RIMS2: variants seen among roughly 807,000 people sequenced by gnomAD.
RIMS2 encodes the protein regulating synaptic membrane exocytosis protein 2.
Under a neutral mutation model 174.4 loss-of-function variants are expected in RIMS2, and 59 were observed. The observed-to-expected ratio is 0.34, with a 90% confidence interval of 0.27 to 0.42. The LOEUF (loss-of-function observed/expected upper bound fraction) is 0.42. Among genes scored for constraint, RIMS2 ranks in the 10% least tolerant of loss-of-function variants. The pLI is 1.00. For missense variants in RIMS2, 1,620 were observed against 1,666.3 expected (o/e 0.97, Z 0.48); for synonymous variants, 606 against 572.5 (o/e 1.06, Z -0.84).
At chr8:104,157,718 T>C (rs2098733181) in intron 19 of RIMS2, among the ~76,000 whole-genome samples, 1 of 152,198 alleles carries the variant, frequency 6.6e-6, no homozygotes, top group Non-Finnish European at 1.5e-5. Context: ...TATCCATTCA[T>C]CTGTCAGTAG....
intron 19 of RIMS2, among the ~76,000 whole-genome samples, chr8:104,039,679 A>G (rs1183949400): frequency 6.6e-6 from 1 of 151,740 alleles, no homozygotes; most frequent in African/African-American, 2.4e-5. Flanking sequence ...ATCTAGGGAA[A>G]TTTTGTGTAT....
At chr8:103,724,828 T>C (rs545184061) in intron 2 of RIMS2, among the ~76,000 whole-genome samples, 3 of 152,194 alleles carry the variant, frequency 2.0e-5, no homozygotes, top group Non-Finnish European at 4.4e-5. Context: ...AATCTGCCCA[T>C]TGATTTTTCA....
In RIMS2 at chr8:103,901,648, A is replaced by G. The variant is rs146598308; in HGVS notation, c.1625-8486A>G. Among the ~76,000 whole-genome samples the G allele has an allele frequency of 1.4e-4, 21 of 152,300 alleles. No individual in the cohort carries two copies. The East Asian group carries it at 3.9e-3, about 28-fold the overall frequency. Reference sequence around the variant, plus strand: ...AGTTTCAAATTGTGTAATTATTAAGATGAATTCTAATATATGCCATATATA... The same window carrying G: ...AGTTTCAAATTGTGTAATTATTAAGGTGAATTCTAATATATGCCATATATA... On this transcript the variant is annotated intron_variant, in intron 4 of 23. Coordinates refer to ENST00000504942, the Ensembl canonical transcript of RIMS2.
At chr8:103,950,245 C>T (rs6986875) in intron 14 of RIMS2, among the ~76,000 whole-genome samples, 101,568 of 151,878 alleles carry the variant, frequency 0.67, 34,770 homozygotes, top group African/African-American at 0.7. Flanking sequence ...AATATTATAA[C>T]GTTGGGAATA....
intron 17 of RIMS2, among the ~76,000 whole-genome samples, chr8:103,993,111 C>CA (rs2094837427): frequency 6.6e-6 from 1 of 151,712 alleles, no homozygotes; most frequent in East Asian, 1.9e-4. Context: ...AAGACTGTCT[C>CA]AAAAAAATAT....
chr8:103,533,369 A>T (rs1838151880), intron 1 of RIMS2, among the ~76,000 whole-genome samples: 1 of 152,234 alleles, frequency 6.6e-6, no homozygotes. Flanking sequence ...TGGTGAATTG[A>T]CAAATGTTAT....
chr8:103,682,689 T>C (rs188267447), intron 1 of RIMS2, among the ~76,000 whole-genome samples: 7 of 152,292 alleles, frequency 4.6e-5, no homozygotes, highest in Admixed American at 1.3e-4. Flanking sequence ...TCTCATTTTA[T>C]AGGCCTGGTA....
At chr8:103,894,570 G>T (rs2099266449) in intron 4 of RIMS2, among the ~76,000 whole-genome samples, 1 of 151,498 alleles carries the variant, frequency 6.6e-6, no homozygotes, top group South Asian at 2.1e-4. Flanking sequence ...GTACCTATCT[G>T]TATGAAAAGA....
Position 104,042,091 on chromosome 8 carries a change from A to T in RIMS2, c.3334+27476A>T, listed in dbSNP as rs1392369369. On this transcript the variant is annotated intron_variant, in intron 19 of 23. Transcript: ENST00000504942. ...TGTATATATTTTATATATATATAAA[A>T]TATGTATGTACATGTATATACACAC... Among the ~76,000 whole-genome samples the T allele has an allele frequency of 2.6e-5, 4 of 151,350 alleles. No homozygotes were observed. The South Asian group carries it at 6.2e-4, about 24-fold the overall frequency.
At chr8:103,503,760 A>G (rs1039051033) in intron 1 of RIMS2, among the ~76,000 whole-genome samples, 5 of 151,918 alleles carry the variant, frequency 3.3e-5, no homozygotes, top group African/African-American at 4.8e-5. Flanking sequence ...AGGAATTTGA[A>G]CCTTATTAAT....
chr8:104,170,551 T>A (rs2135407740), intron 19 of RIMS2, among the ~76,000 whole-genome samples: 1 of 152,202 alleles, frequency 6.6e-6, no homozygotes, highest in East Asian at 1.9e-4. Flanking sequence ...TGAGAGTGCT[T>A]ATGTGTTAGG....
At chr8:103,905,861 A>G (rs1594893843) in intron 4 of RIMS2, among the ~76,000 whole-genome samples, 1 of 147,320 alleles carries the variant, frequency 6.8e-6, no homozygotes, top group East Asian at 2.0e-4. Flanking sequence ...TCATTGAGTC[A>G]TTCCTCTGTC....
At chr8:103,605,858 A>AT (rs1358780541) in intron 1 of RIMS2, among the ~76,000 whole-genome samples, 8 of 150,908 alleles carry the variant, frequency 5.3e-5, no homozygotes, top group Non-Finnish European at 1.2e-4. Context: ...CCCCTTTATC[A>AT]TTTTTTATTG....
At chr8:103,610,324 C>A (rs1462088897) in intron 1 of RIMS2, among the ~76,000 whole-genome samples, 1 of 152,058 alleles carries the variant, frequency 6.6e-6, no homozygotes, top group Admixed American at 6.6e-5. Context: ...CCTTTTATTT[C>A]TTTTTCATGT....
intron 3 of RIMS2, among the ~76,000 whole-genome samples, chr8:103,785,553 T>G (rs944630581): frequency 6.6e-5 from 10 of 152,190 alleles, no homozygotes; most frequent in Admixed American, 6.5e-5. Flanking sequence ...TTTGGTTCTG[T>G]TTATATGCTG....
rs139328744 is a variant in RIMS2 at position 103,646,170 on chromosome 8, G to A, written c.177-50916G>A. Reference sequence around the variant, plus strand: ...AGGACATTTTCACTTCTTTTGTGGTGGAATGTCATCAGTTAAGGCAGGAAC... The same window carrying A: ...AGGACATTTTCACTTCTTTTGTGGTAGAATGTCATCAGTTAAGGCAGGAAC... On this transcript the variant is annotated intron_variant, in intron 1 of 23. Coordinates refer to ENST00000504942, the Ensembl canonical transcript of RIMS2. Among the ~76,000 whole-genome samples, 639 of 152,118 alleles carry A rather than the reference G, an allele frequency of 4.2e-3. 4 individuals are homozygous for A. Among genetic ancestry groups the A allele is most frequent in the African/African-American group, 0.015 (608 of 41,510 alleles).
At chr8:103,828,416 T>C (rs2098805015) in intron 3 of RIMS2, among the ~76,000 whole-genome samples, 1 of 152,210 alleles carries the variant, frequency 6.6e-6, no homozygotes, top group Non-Finnish European at 1.5e-5. Context: ...GCTTTGCCTA[T>C]GTTTTAATGG....
chr8:104,060,937 G>A lies in RIMS2; in HGVS notation c.3334+46322G>A, dbSNP rs575566587. Among the ~76,000 whole-genome samples, 901 of 152,238 alleles carry A rather than the reference G, an allele frequency of 5.9e-3. 4 individuals are homozygous for A. Among genetic ancestry groups the A allele is most frequent in the Non-Finnish European group, 9.7e-3 (662 of 68,014 alleles). On this transcript the variant is annotated intron_variant, in intron 19 of 23. Transcript: ENST00000504942. ...TGATTGCACTGTGGTCTGAGAGACA[G>A]TTTGTTATAATCTCTGTTCTTTTAC...
Position 103,996,494 on chromosome 8 carries a change from T to C in RIMS2, c.3044+7073T>C, listed in dbSNP as rs542940732. ...TCAGTAATAAAGCAGAGTTATTGTTTACACCATAAAAACAATTGCATTATT... is the reference window on the plus strand; with the variant it reads ...TCAGTAATAAAGCAGAGTTATTGTTCACACCATAAAAACAATTGCATTATT... On this transcript the variant is annotated intron_variant, in intron 17 of 23. Transcript: ENST00000504942. Among the ~76,000 whole-genome samples, 3 of 152,082 alleles carry C rather than the reference T, an allele frequency of 2.0e-5. No individual in the cohort carries two copies. The South Asian group carries it at 6.2e-4, about 31-fold the overall frequency.
Sources: allele counts gnomAD v4.1 joint callset (sites outside exome capture counted in the v4.1 genomes callset), GRCh38; gene constraint gnomAD v4.1.1; transcripts MANE v1.5; gene names NCBI Gene and HGNC (gene_info 2026-07-23, HGNC 2026-07-21).